Variants in DTNB observed in about 807,000 individuals in gnomAD.
DTNB encodes dystrobrevin beta, also known as DTN-B.
Under a neutral mutation model 90.7 loss-of-function variants are expected in DTNB, and 63 were observed. That is an observed-to-expected ratio of 0.69 (90% confidence interval 0.57 to 0.86). The LOEUF (loss-of-function observed/expected upper bound fraction) is 0.86. Ranked by LOEUF, DTNB falls within the 40% of genes least tolerant of loss-of-function variation. The pLI, the probability that DTNB is intolerant of heterozygous loss-of-function variation, is 0.00. For missense variants in DTNB, 744 were observed against 807.1 expected, an observed-to-expected ratio of 0.92 and a Z score of 0.95; for synonymous variants, 277 against 286.7, an observed-to-expected ratio of 0.97 and a Z score of 0.34.
intron 5 of DTNB, among the ~76,000 whole-genome samples, chr2:25,605,534 A>G (rs1164525553): frequency 6.6e-6 from 1 of 152,204 alleles, no homozygotes; most frequent in African/African-American, 2.4e-5. Context: ...TTATTCAATC[A>G]ACAATTTACA....
chr2:25,387,494 G>A lies in DTNB; in HGVS notation c.1736-116C>T. On this transcript the variant is annotated intron_variant, in intron 17 of 20. Coordinates refer to ENST00000406818, the MANE Select transcript of DTNB (RefSeq NM_021907.5). The surrounding 1 kb of genome is among the most constrained non-coding windows in gnomAD (Gnocchi z 4.5). ...GAACACAGGTGTGGAACACCTAAGG[G>A]GAGATGGGGCCACAGCAGCTCCACC... 1 of 931,732 alleles carries A rather than the reference G, an allele frequency of 1.1e-6. No individual in the cohort carries two copies. The highest frequency in any genetic ancestry group is 2.3e-5 in the Admixed American group (1 of 44,412). The allele number at this position is 931,732 out of a possible 1,614,324, so 57.7% of individuals were successfully genotyped here.
intron 3 of DTNB, among the ~76,000 whole-genome samples, chr2:25,632,109 C>T (rs914916246): frequency 6.7e-6 from 1 of 149,770 alleles, no homozygotes; most frequent in African/African-American, 2.5e-5. Flanking sequence ...ACAGGAGAAT[C>T]GCTTGAACCT....
chr2:25,469,095 T>C (rs957185872), intron 10 of DTNB, among the ~76,000 whole-genome samples: 3 of 152,238 alleles, frequency 2.0e-5, no homozygotes, highest in African/African-American at 7.2e-5. Flanking sequence ...ACTGAAATAC[T>C]GACATTAATC....
chr2:25,472,434 AAG>A (rs1297090203), intron 10 of DTNB, among the ~76,000 whole-genome samples: 4 of 152,186 alleles, frequency 2.6e-5, no homozygotes, highest in Admixed American at 1.3e-4. Context: ...GGATGCTGAG[AAG>A]AGAGAGTGGG....
chr2:25,524,362 T>C (rs1030828798), intron 9 of DTNB, among the ~76,000 whole-genome samples: 2 of 145,700 alleles, frequency 1.4e-5, no homozygotes, highest in African/African-American at 5.0e-5. Context: ...GATTAACTGC[T>C]CAACATCTCA....
intron 11 of DTNB, among the ~76,000 whole-genome samples, 155 bp downstream of exon 11, chr2:25,455,250 G>A (rs2059836105): frequency 6.6e-6 from 1 of 152,208 alleles, no homozygotes; most frequent in Non-Finnish European, 1.5e-5. Context: ...AGAAGCTAAT[G>A]CTTAGCAACT....
intron 8 of DTNB, among the ~76,000 whole-genome samples, chr2:25,576,232 T>TG (rs1324192172): frequency 4.8e-5 from 7 of 146,000 alleles, no homozygotes; most frequent in Admixed American, 1.3e-4. Context: ...TTTTTTTTTT[T>TG]TTTTTTTTTT....
chr2:25,434,020 G>GTT (rs11451153), intron 12 of DTNB, 25 bp from the exon 13 acceptor site: 19,756 of 1,334,710 alleles, frequency 0.015, 10 homozygotes, highest in East Asian at 0.081. Context: ...TCGGGAGAAA[G>GTT]TTTTTTTTTT....
At chr2:25,578,698 G>A (rs1057074642) in intron 7 of DTNB, among the ~76,000 whole-genome samples, 1 of 152,066 alleles carries the variant, frequency 6.6e-6, no homozygotes, top group African/African-American at 2.4e-5. Context: ...GACTGTTCAG[G>A]TTCTGGTATA....
chr2:25,454,284 T>A (rs1467751834), intron 11 of DTNB, among the ~76,000 whole-genome samples: 1 of 152,230 alleles, frequency 6.6e-6, no homozygotes, highest in Non-Finnish European at 1.5e-5. Context: ...TTTAAAAGTC[T>A]TTTTCATATG....
At chr2:25,657,106 C>A (rs536075910) in intron 1 of DTNB, among the ~76,000 whole-genome samples, 1 of 152,062 alleles carries the variant, frequency 6.6e-6, no homozygotes, top group South Asian at 2.1e-4. Context: ...AATTCAGGAG[C>A]CAGAGGTTGC....
intron 19 of DTNB, among the ~76,000 whole-genome samples, chr2:25,380,998 C>T (rs751364968): frequency 1.3e-5 from 2 of 152,210 alleles, no homozygotes; most frequent in South Asian, 2.1e-4. Context: ...GGCTAGAGTT[C>T]GTGGCCAGGG....
intron 12 of DTNB, 53 bp from the exon 13 acceptor site, chr2:25,434,048 CAG>C: frequency 6.6e-7 from 1 of 1,508,474 alleles, no homozygotes; most frequent in Non-Finnish European, 9.1e-7. Context: ...CAAATATACC[CAG>C]AGTTCTAGAT....
intron 16 of DTNB, among the ~76,000 whole-genome samples, chr2:25,414,608 T>C (rs1475185189): frequency 6.6e-6 from 1 of 152,110 alleles, no homozygotes; most frequent in Non-Finnish European, 1.5e-5. Flanking sequence ...TGGATCTATC[T>C]GGGAGTGCCT....
chr2:25,404,920 C>T (rs1164599792), intron 16 of DTNB, among the ~76,000 whole-genome samples: 2 of 152,042 alleles, frequency 1.3e-5, no homozygotes, highest in East Asian at 1.9e-4. Context: ...TCCAACTCGC[C>T]ACCATTATTA....
At chr2:25,536,293 A>G (rs1278494183) in intron 8 of DTNB, among the ~76,000 whole-genome samples, 1 of 152,052 alleles carries the variant, frequency 6.6e-6, no homozygotes, top group Non-Finnish European at 1.5e-5. Flanking sequence ...CTCACTTCCT[A>G]CACGGGGTGG....
At chr2:25,426,295 C>G (rs940262216) in intron 15 of DTNB, among the ~76,000 whole-genome samples, 1 of 152,158 alleles carries the variant, frequency 6.6e-6, no homozygotes, top group Admixed American at 6.5e-5. Flanking sequence ...AAAGATCTGC[C>G]TTCACCAACA....
chr2:25,615,785 T>C (rs1265455280), intron 4 of DTNB, among the ~76,000 whole-genome samples: 2 of 152,214 alleles, frequency 1.3e-5, no homozygotes, highest in Non-Finnish European at 2.9e-5. Context: ...CACAAAAGGG[T>C]ATTTCCGTAG....
At chr2:25,542,895 T>C (rs1012738034) in intron 8 of DTNB, among the ~76,000 whole-genome samples, 6 of 152,178 alleles carry the variant, frequency 3.9e-5, no homozygotes, top group African/African-American at 1.2e-4. Flanking sequence ...TTCCTTTATG[T>C]GGTCAATTTT....
Sources: allele counts gnomAD v4.1 joint callset (sites outside exome capture counted in the v4.1 genomes callset), GRCh38; gene constraint gnomAD v4.1.1; non-coding constraint Gnocchi (gnomAD v3.1); transcripts MANE v1.5; gene names NCBI Gene and HGNC (gene_info 2026-07-23, HGNC 2026-07-21).